Variants in ASXL2 observed in about 807,000 individuals in gnomAD.
ASXL2 encodes putative Polycomb group protein ASXL2.
A neutral mutation model predicts 122.0 loss-of-function variants in ASXL2; 23 were observed. The ratio of observed to expected loss-of-function variants is 0.19; its 90% CI spans 0.14 to 0.27. The LOEUF is 0.27. Among genes scored for constraint, ASXL2 ranks in the 10% least tolerant of loss-of-function variants. The probability of loss-of-function intolerance (pLI) is 1.00; values close to 1 mark genes in which losing one functional copy is unlikely to be tolerated. For synonymous variants in ASXL2, 650 were observed against 637.0 expected, an observed-to-expected ratio of 1.02 and a Z score of -0.31; for missense variants, 1,518 against 1,713.8, an observed-to-expected ratio of 0.89 and a Z score of 2.02.
chr2:25,866,962 G>A (rs1455616568), intron 1 of ASXL2, among the ~76,000 whole-genome samples: 8 of 151,754 alleles, frequency 5.3e-5, no homozygotes, highest in Non-Finnish European at 7.4e-5. Context: ...GTGCAATGGT[G>A]CAATCTCAGC....
At chr2:25,877,846 C>T (rs759201045) in intron 1 of ASXL2, among the ~76,000 whole-genome samples, 10 of 152,236 alleles carry the variant, frequency 6.6e-5, no homozygotes, top group Non-Finnish European at 1.2e-4. Context: ...ACCGTGCAAG[C>T]ACCACAGACT....
chr2:25,768,475 C>T (rs2088390624), intron 7 of ASXL2, among the ~76,000 whole-genome samples: 1 of 152,114 alleles, frequency 6.6e-6, no homozygotes, highest in Admixed American at 6.5e-5. Flanking sequence ...GGCTAATTTT[C>T]TGTGTTGTTG....
rs368208081 is a variant in ASXL2, at chr2:25,799,473, C to T, written c.315G>A (p.Gln105=). 6.8e-6 allele frequency: 11 copies of T among 1,613,868 alleles called. No individual in the cohort carries two copies. Among genetic ancestry groups the T allele is most frequent in the Non-Finnish European group, 9.3e-6 (11 of 1,179,898 alleles). ...TGTTCTCAGAACTCTGGGAATCTGA[C>T]TGACCATCACTGCTTTCTTCTGAAC... ...SEGSEESSDG[Q]SDSQSSENSS... The change falls in exon 5 of 13, where the codon CAG becomes CAA. Residue 105 remains glutamine, a synonymous_variant. Transcript: ENST00000435504.
chr2:25,845,630 C>A, intron 1 of ASXL2, 67 bp from the exon 2 acceptor site: 1 of 711,936 alleles, frequency 1.4e-6, no homozygotes, highest in Non-Finnish European at 2.0e-6. Context: ...ATATATATTT[C>A]TTATAATTAC....
At chr2:25,809,026 A>G (rs2089125635) in intron 3 of ASXL2, among the ~76,000 whole-genome samples, 1 of 152,268 alleles carries the variant, frequency 6.6e-6, no homozygotes, top group Non-Finnish European at 1.5e-5. Flanking sequence ...AGTTTTGTAC[A>G]TAAGCTATTC....
intron 5 of ASXL2, among the ~76,000 whole-genome samples, chr2:25,790,964 C>G (rs991620308): frequency 6.6e-6 from 1 of 151,816 alleles, no homozygotes; most frequent in African/African-American, 2.4e-5. Flanking sequence ...CCACCAAAAC[C>G]AGCTGTTTTT....
Position 25,742,448 on chromosome 2 carries a change from G to A in ASXL2, c.3889C>T (p.Pro1297Ser), listed in dbSNP as rs2087847503. Residue 1297 changes from proline to serine, a missense_variant, in exon 13 of 13, where the codon CCT becomes TCT. This residue lies in a region of ASXL2 where 831 missense variants were observed against 833.1 expected (regional missense o/e 1.00). Coordinates refer to ENST00000435504, the MANE Select transcript of ASXL2 (RefSeq NM_018263.6). The stretch of plus-strand genomic sequence containing the variant: ...GGCTGGTGGGTGGGGCTGTCTGCAG[G>A]CAGAGGAAGAACAGTAGAACTGAAA... ...ELFSSTVLPL[P>S]ADSPTHQPLL... 3 of 1,611,646 alleles carry A rather than the reference G, an allele frequency of 1.9e-6. No individual in the cohort carries two copies. The highest frequency in any genetic ancestry group is 2.7e-5 in the African/African-American group (2 of 74,994).
intron 11 of ASXL2, among the ~76,000 whole-genome samples, chr2:25,751,236 G>C (rs778768340): frequency 6.6e-6 from 1 of 152,172 alleles, no homozygotes; most frequent in Non-Finnish European, 1.5e-5. Context: ...GGAATGGTTA[G>C]GGACAAAACT....
At chr2:25,851,425 T>C (rs1387622086) in intron 1 of ASXL2, among the ~76,000 whole-genome samples, 1 of 152,228 alleles carries the variant, frequency 6.6e-6, no homozygotes, top group Non-Finnish European at 1.5e-5. Context: ...CTAATTTACA[T>C]TAAATATATT....
chr2:25,798,312 T>G (rs2088941656), intron 5 of ASXL2, among the ~76,000 whole-genome samples: 1 of 152,144 alleles, frequency 6.6e-6, no homozygotes, highest in Admixed American at 6.6e-5. Context: ...CCTGTACCCC[T>G]GAACTTAAAA....
At chr2:25,866,926 G>A (rs1443074745) in intron 1 of ASXL2, among the ~76,000 whole-genome samples, 1 of 150,208 alleles carries the variant, frequency 6.7e-6, no homozygotes, top group Non-Finnish European at 1.5e-5. Context: ...TTGAGACAGT[G>A]TTTTGCTCTT....
chr2:25,852,878 G>A (rs904947545), intron 1 of ASXL2, among the ~76,000 whole-genome samples: 1 of 152,140 alleles, frequency 6.6e-6, no homozygotes, highest in Admixed American at 6.6e-5. Flanking sequence ...TTGTAAATTC[G>A]GATTCCACTT....
At chr2:25,875,386 T>C (rs1373285066) in intron 1 of ASXL2, among the ~76,000 whole-genome samples, 1 of 152,070 alleles carries the variant, frequency 6.6e-6, no homozygotes, top group Non-Finnish European at 1.5e-5. Flanking sequence ...GATGATCACT[T>C]GAGACCAGAA....
At chr2:25,782,715 C>A (rs1414343767) in intron 5 of ASXL2, among the ~76,000 whole-genome samples, 1 of 152,216 alleles carries the variant, frequency 6.6e-6, no homozygotes, top group East Asian at 1.9e-4. Context: ...TCCACCAATT[C>A]TCAATTTTAT....
At chr2:25,871,049 ATATT>A (rs1406290522) in intron 1 of ASXL2, among the ~76,000 whole-genome samples, 3 of 152,370 alleles carry the variant, frequency 2.0e-5, no homozygotes, top group South Asian at 2.1e-4. Context: ...TTTTTAAATC[ATATT>A]TAGAGTTCTA....
intron 5 of ASXL2, among the ~76,000 whole-genome samples, chr2:25,785,585 T>C (rs1446795085): frequency 6.6e-6 from 1 of 151,552 alleles, no homozygotes; most frequent in Non-Finnish European, 1.5e-5. Flanking sequence ...TCTCATTCCG[T>C]CCCCTGGCTG....
chr2:25,785,906 T>A (rs2088736303), intron 5 of ASXL2, among the ~76,000 whole-genome samples: 1 of 152,172 alleles, frequency 6.6e-6, no homozygotes, highest in Admixed American at 6.5e-5. Context: ...ATTACCAACT[T>A]TTTTATGATA....
chr2:25,822,644 G>T, intron 3 of ASXL2: 1 of 611,188 alleles, frequency 1.6e-6, no homozygotes, highest in South Asian at 1.4e-5. Flanking sequence ...TCACAGTATT[G>T]ATCCTAATGA....
rs138339474 is a variant in ASXL2, at chr2:25,850,832, C to T, written c.58-5269G>A. 6.2e-4 allele frequency among the ~76,000 whole-genome samples: 94 copies of T among 152,176 alleles called. 1 individual carries two copies. The highest frequency in any genetic ancestry group is 1.2e-3 in the South Asian group (6 of 4,816). On this transcript the variant is annotated intron_variant, in intron 1 of 12. Coordinates refer to ENST00000435504, the MANE Select transcript of ASXL2 (RefSeq NM_018263.6). The stretch of plus-strand genomic sequence containing the variant: ...GCTTTCCACTATCTATTTGGTTACC[C>T]GAGGTACAATTCATATTAAAAAAGC...
Sources: allele counts gnomAD v4.1 joint callset (sites outside exome capture counted in the v4.1 genomes callset), GRCh38; gene constraint gnomAD v4.1.1; regional missense constraint gnomAD v4.1.1; transcripts MANE v1.5; gene names NCBI Gene and HGNC (gene_info 2026-07-23, HGNC 2026-07-21).